RGSL1: variants seen among roughly 807,000 people sequenced by gnomAD.
The protein encoded by RGSL1 is regulator of G protein signaling like 1, also known as regulator of G protein signaling protein-like.
In RGSL1, 97 loss-of-function variants were observed where a neutral mutation model predicts 124.7. The observed-to-expected ratio is 0.78, with a 90% confidence interval of 0.66 to 0.92. The LOEUF is 0.92. Among genes scored for constraint, RGSL1 ranks in the 40% least tolerant of loss-of-function variants. The pLI is 0.00. For synonymous variants in RGSL1, 424 were observed against 438.1 expected (o/e 0.97, Z 0.40); for missense variants, 1,233 against 1,288.4 (o/e 0.96, Z 0.66).
Position 182,527,619 on chromosome 1 carries a change from T to C in RGSL1, c.1972T>C (p.Phe658Leu), listed in dbSNP as rs1365455358. The C allele has an allele frequency of 8.4e-6, 13 of 1,551,546 alleles. No homozygotes were observed. Among genetic ancestry groups the C allele is most frequent in the Non-Finnish European group, 1.0e-5 (12 of 1,146,826 alleles). Residue 658 changes from phenylalanine (F) to leucine (L), a missense_variant, in exon 11 of 22, where the codon TTC (phenylalanine) becomes CTC (leucine). Physicochemically the swap from Phe to Leu is conservative, Grantham distance 22. Coordinates refer to ENST00000294854, the MANE Select transcript of RGSL1 (RefSeq NM_001137669.2). Reference protein sequence around the residue: ...EVLLNTQHLEFFREFLKERKA... With the variant: ...EVLLNTQHLELFREFLKERKA... The stretch of plus-strand genomic sequence containing the variant: ...CCTCTTAAATACACAGCACTTGGAG[T>C]TCTTCAGGGAGTTCCTCAAGGAACG...
intron 9 of RGSL1, among the ~76,000 whole-genome samples, chr1:182,511,636 T>A (rs1571616407): frequency 6.6e-6 from 1 of 152,238 alleles, no homozygotes; most frequent in African/African-American, 2.4e-5. Flanking sequence ...TGGTGCTGAT[T>A]TGGTTACTGT....
chr1:182,451,236 G>C (rs557255427), intron 1 of RGSL1, among the ~76,000 whole-genome samples: 2 of 150,072 alleles, frequency 1.3e-5, no homozygotes, highest in African/African-American at 4.9e-5. Context: ...AACACTTTTA[G>C]AGCCTAGAGG....
chr1:182,457,477 G>A (rs1270918205), intron 2 of RGSL1, among the ~76,000 whole-genome samples: 1 of 152,146 alleles, frequency 6.6e-6, no homozygotes, highest in Non-Finnish European at 1.5e-5. Context: ...GTAACATGCA[G>A]ACAGCAACAT....
At chr1:182,463,030 ATGCC>A (rs1208406475) in intron 4 of RGSL1, among the ~76,000 whole-genome samples, 2 of 152,206 alleles carry the variant, frequency 1.3e-5, no homozygotes, top group Non-Finnish European at 2.9e-5. Flanking sequence ...GTGGTGGCTC[ATGCC>A]TGTAATCCCA....
At chr1:182,546,756 A>G (rs749097748) in intron 15 of RGSL1, among the ~76,000 whole-genome samples, 6 of 152,240 alleles carry the variant, frequency 3.9e-5, no homozygotes, top group African/African-American at 7.2e-5. Context: ...ACTTGTTTTC[A>G]TAGAAATAAT....
intron 1 of RGSL1, among the ~76,000 whole-genome samples, chr1:182,452,150 G>A (rs1651895880): frequency 6.6e-6 from 1 of 152,084 alleles, no homozygotes; most frequent in Non-Finnish European, 1.5e-5. Flanking sequence ...TGGGAGGCCT[G>A]GACACATTGA....
In RGSL1 at chr1:182,472,415, C is replaced by T. The variant is rs1035068743; in HGVS notation, c.321C>T (p.Phe107=). 16 of 1,549,984 alleles carry T rather than the reference C, an allele frequency of 1.0e-5. No individual in the cohort carries two copies. The East Asian group carries it at 3.9e-4, about 38-fold the overall frequency. The change falls in exon 5 of 22, where the codon TTC becomes TTT. Residue 107 remains phenylalanine (F), a synonymous_variant. Transcript: ENST00000294854. ...SPEGGEELVD[F]WILAENILSI... ...CCGTAGGTGAAGAATTGGTGGATTT[C>T]TGGATCCTTGCTGAGAACATCCTGA... is the stretch of plus-strand genomic sequence containing the variant.
intron 9 of RGSL1, among the ~76,000 whole-genome samples, chr1:182,503,100 T>G (rs755435766): frequency 1.7e-4 from 26 of 152,150 alleles, no homozygotes; most frequent in Admixed American, 3.3e-4. Flanking sequence ...AATTTGGAGA[T>G]TCCTCAAAAA....
chr1:182,522,192 T>C (rs1658397833), intron 10 of RGSL1, 83 bp downstream of exon 10: 3 of 937,886 alleles, frequency 3.2e-6, no homozygotes, highest in Admixed American at 5.1e-5. Flanking sequence ...TAAACTTATC[T>C]TTCTATGTGT....
Position 182,551,228 on chromosome 1 carries a change from C to A in RGSL1, c.3043+19C>A. The A allele has an allele frequency of 8.5e-7, 1 of 1,180,914 alleles. No individual in the cohort carries two copies. The highest frequency in any genetic ancestry group is 2.5e-5 in the East Asian group (1 of 40,766). 73.2% of individuals were successfully genotyped at this position (1,180,914 alleles called of 1,614,324 possible). ...AGTGGAGGTAAGCTCCACCACGACT[C>A]ACAGCCCCATTCTCCAGCAACCAAG... On this transcript the variant is annotated intron_variant, in intron 18 of 21. Transcript: ENST00000294854.
At chr1:182,467,647 C>T (rs56237049) in intron 4 of RGSL1, among the ~76,000 whole-genome samples, 1,732 of 152,268 alleles carry the variant, frequency 0.011, 9 homozygotes, top group Non-Finnish European at 0.018. Context: ...AAATGTTAGA[C>T]CTAAAACCAT....
At chr1:182,456,325 T>C (rs1158449818) in intron 2 of RGSL1, among the ~76,000 whole-genome samples, 1 of 152,016 alleles carries the variant, frequency 6.6e-6, no homozygotes, top group Non-Finnish European at 1.5e-5. Flanking sequence ...GAGACAGATT[T>C]TGCTCTTGTT....
At chr1:182,501,307 C>CTTTTTTTTTTT (rs141279993) in intron 9 of RGSL1, among the ~76,000 whole-genome samples, 94 of 61,340 alleles carry the variant, frequency 1.5e-3, no homozygotes, top group Admixed American at 2.7e-3. Context: ...TTTTTCTTTT[C>CTTTTTTTTTTT]TTTTTTTTTT....
Position 182,540,390 on chromosome 1 carries a change from A to G in RGSL1, c.2638A>G (p.Asn880Asp). ...GATTATCACTGTCAACTTTGCGATCAATGATCTATATTTCTTTTCTGAAAT... is the reference window on the plus strand; with the variant it reads ...GATTATCACTGTCAACTTTGCGATCGATGATCTATATTTCTTTTCTGAAAT... ...HRIITVNFAINDLYFFSEMEK... is the reference protein window; with the variant it reads ...HRIITVNFAIDDLYFFSEMEK... Residue 880 changes from asparagine (N) to aspartate (D), a missense_variant, in exon 15 of 22, where the codon AAT (asparagine) becomes GAT (aspartate). By Grantham distance (23) the Asn-to-Asp change is conservative. Coordinates refer to ENST00000294854, the MANE Select transcript of RGSL1 (RefSeq NM_001137669.2). 5 of 1,550,932 alleles carry G rather than the reference A, an allele frequency of 3.2e-6. No individual in the cohort carries two copies. The highest frequency in any genetic ancestry group is 4.4e-6 in the Non-Finnish European group (5 of 1,146,598).
At chr1:182,497,223 AT>A (rs1655984329) in intron 9 of RGSL1, among the ~76,000 whole-genome samples, 1 of 146,102 alleles carries the variant, frequency 6.8e-6, no homozygotes, top group Non-Finnish European at 1.5e-5. Flanking sequence ...TGAAAAAGAG[AT>A]AGAAAGATAG....
chr1:182,521,900 G>A (rs1658367708), intron 9 of RGSL1, 104 bp from the exon 10 acceptor site: 7 of 753,720 alleles, frequency 9.3e-6, no homozygotes, highest in Non-Finnish European at 1.5e-5. Context: ...GTGGGGACAG[G>A]GATTTTTTCA....
intron 4 of RGSL1, among the ~76,000 whole-genome samples, chr1:182,469,229 A>G (rs544969258): frequency 8.5e-5 from 13 of 152,266 alleles, no homozygotes; most frequent in African/African-American, 3.1e-4. Context: ...AAGGCAGCCT[A>G]AAGAATGGAA....
In RGSL1 at chr1:182,488,698, C is replaced by A. The variant is rs562149108; in HGVS notation, c.1495-282C>A. ...CCGAGATCCCGCCACTGCACTCCAGCCTGGGCGACAGAGCGAGACTCCGTC... is the reference window on the plus strand; with the variant it reads ...CCGAGATCCCGCCACTGCACTCCAGACTGGGCGACAGAGCGAGACTCCGTC... On this transcript the variant is annotated intron_variant, in intron 7 of 21. Transcript: ENST00000294854. The A allele has an allele frequency of 1.1e-4, 34 of 322,772 alleles. No homozygotes were observed. In the East Asian group the frequency reaches 2.3e-3, roughly 22 times the overall value. The allele number at this position is 322,772 out of a possible 1,614,324, so 20.0% of individuals were successfully genotyped here.
intron 9 of RGSL1, among the ~76,000 whole-genome samples, chr1:182,501,302 CTTTTCT>C (rs765470028): frequency 7.8e-4 from 42 of 54,182 alleles, no homozygotes; most frequent in Admixed American, 1.3e-3. Flanking sequence ...TTTCTTTTTT[CTTTTCT>C]TTTTTTTTTT....
Sources: gnomAD v4.1 joint callset for allele counts (sites outside exome capture counted in the v4.1 genomes callset) on GRCh38, gnomAD v4.1.1 for gene constraint, MANE v1.5 for transcripts, NCBI Gene and HGNC (gene_info 2026-07-23, HGNC 2026-07-21) for gene names.